Variants in SCN7A observed in about 807,000 individuals in gnomAD.
SCN7A encodes the protein sodium channel protein type 7 subunit alpha.
Under a neutral mutation model 155.2 loss-of-function variants are expected in SCN7A, and 138 were observed. The observed-to-expected ratio is 0.89, with a 90% CI of 0.77 to 1.02. SCN7A has a LOEUF of 1.02. Among genes scored for constraint, SCN7A ranks in the 50% least tolerant of loss-of-function variants. The pLI is 0.00. For missense variants in SCN7A, 2,058 were observed against 1,986.6 expected (o/e 1.04, Z -0.68); for synonymous variants, 693 against 649.0 (o/e 1.07, Z -1.03).
chr2:166,455,324 A>C (rs1702250722), intron 11 of SCN7A, among the ~76,000 whole-genome samples: 1 of 152,180 alleles, frequency 6.6e-6, no homozygotes, highest in Middle Eastern at 3.2e-3. Context: ...CAAGACCTTA[A>C]AAAGACACCT....
chr2:166,443,799 G>A, intron 13 of SCN7A, 123 bp from the exon 14 acceptor site: 2 of 683,554 alleles, frequency 2.9e-6, no homozygotes, highest in Non-Finnish European at 2.4e-6. Flanking sequence ...CAGCTTCTCT[G>A]TCAATATCTG....
At chr2:166,476,659 C>T (rs557892704) in intron 3 of SCN7A, among the ~76,000 whole-genome samples, 1 of 152,088 alleles carries the variant, frequency 6.6e-6, no homozygotes, top group South Asian at 2.1e-4. Context: ...TTCATTGCAT[C>T]AGTCCTTTGA....
At position 166,432,599 on chromosome 2, in the gene SCN7A, G is replaced by T; in HGVS notation, c.2311C>A (p.Gln771Lys). Residue 771 changes from glutamine to lysine, a missense_variant, in exon 16 of 26, where the codon CAA becomes AAA. Transcript: ENST00000643258. Reference protein sequence around the residue: ...YVLLKILCKTQNVPKDTMDHV... With the variant: ...YVLLKILCKTKNVPKDTMDHV... ...TCCATTGTGTCCTTTGGGACATTTT[G>T]TGTTTTGCATAGTATTTTAAGAAGC... 6.2e-7 allele frequency: 1 copy of T among 1,612,982 alleles called. No individual in the cohort carries two copies. Among genetic ancestry groups the T allele is most frequent in the Non-Finnish European group, 8.5e-7 (1 of 1,179,490 alleles).
intron 18 of SCN7A, among the ~76,000 whole-genome samples, 173 bp from the exon 19 acceptor site, chr2:166,423,605 G>A (rs550436671): frequency 2.0e-5 from 3 of 152,014 alleles, no homozygotes; most frequent in Non-Finnish European, 4.4e-5. Flanking sequence ...TAATCTATAA[G>A]TATTATTATT....
chr2:166,409,968 A>T, intron 24 of SCN7A, 33 bp from the exon 25 acceptor site: 2 of 1,494,300 alleles, frequency 1.3e-6, no homozygotes, highest in Non-Finnish European at 1.8e-6. Context: ...TAATAGTCTT[A>T]TTAATAGGAT....
At chr2:166,486,762 C>T (rs1050061190) in intron 2 of SCN7A, 94 bp downstream of exon 2, 1 of 152,226 alleles carries the variant, frequency 6.6e-6, no homozygotes, top group African/African-American at 2.4e-5. Context: ...ATAAAGCAAG[C>T]AGACACATCA....
chr2:166,462,214 C>A, intron 10 of SCN7A, 175 bp downstream of exon 10: 1 of 595,856 alleles, frequency 1.7e-6, no homozygotes, highest in Non-Finnish European at 2.8e-6. Context: ...TATAATACAC[C>A]TGGCAATGTG....
In SCN7A at chr2:166,465,964, G is replaced by C. The variant is rs1199266287; in HGVS notation, c.688C>G (p.Leu230Val). Residue 230 changes from leucine to valine, a missense_variant, in exon 8 of 26, where the codon CTG (leucine) becomes GTG (valine). Coordinates refer to ENST00000643258, the MANE Select transcript of SCN7A (RefSeq NM_002976.4). ...ATAAGCTGCTTCAAGCAGTGGATCA[G>C]GACCCCTACAAGGGATTTCAGACCT... The part of the protein sequence containing the change: ...NQGLKSLVGV[L>V]IHCLKQLIGV... 10 of 1,612,008 alleles carry C rather than the reference G, an allele frequency of 6.2e-6. No individual in the cohort carries two copies. Among genetic ancestry groups the C allele is most frequent in the African/African-American group, 1.3e-5 (1 of 74,896 alleles).
rs1381985908 is a variant in SCN7A, at chr2:166,427,935, T to C, written c.2706A>G (p.Arg902=). 1 of 1,612,622 alleles carries C rather than the reference T, an allele frequency of 6.2e-7. No homozygotes were observed. The highest frequency in any genetic ancestry group is 1.1e-5 in the South Asian group (1 of 90,988). The change falls in exon 18 of 26, where the codon AGA becomes AGG. Residue 902 remains arginine, a synonymous_variant. Transcript: ENST00000643258. The stretch of plus-strand genomic sequence containing the variant: ...TGATTTGACCAAGTGAAGATCCGCG[T>C]CTGCAACCTGTCAAGATTGAATTGG... The part of the protein sequence containing the change: ...ERSKHLKNGC[R]RGSSLGQISG...
intron 12 of SCN7A, among the ~76,000 whole-genome samples, chr2:166,446,244 G>T (rs1285972185): frequency 6.6e-6 from 1 of 152,096 alleles, no homozygotes; most frequent in African/African-American, 2.4e-5. Context: ...GAAGACATTT[G>T]TGTGGCCAAC....
Position 166,409,954 on chromosome 2 carries a change from G to A in SCN7A, c.3712-19C>T. The A allele has an allele frequency of 6.5e-7, 1 of 1,533,392 alleles. No individual in the cohort carries two copies. The highest frequency in any genetic ancestry group is 8.8e-7 in the Non-Finnish European group (1 of 1,138,500). 95.0% of individuals were successfully genotyped at this position (1,533,392 alleles called of 1,614,324 possible). On this transcript the variant is annotated intron_variant, in intron 24 of 25. Coordinates refer to ENST00000643258, the MANE Select transcript of SCN7A (RefSeq NM_002976.4). ...GCTTGTTCTGTGGGTAAAATCAACA[G>A]GTGTAATAGTCTTATTAATAGGATA...
rs780616367 is a variant in SCN7A at position 166,472,456 on chromosome 2, T to G, written c.444-11A>C. 1.6e-5 allele frequency: 25 copies of G among 1,571,556 alleles called. No homozygotes were observed. The South Asian group carries it at 2.9e-4, about 18-fold the overall frequency. ...CCAAGCAAAGTATTCCTGCAGAAATTTTTTCATATAAATATTATTGGTGAG... is the reference window on the plus strand; with the variant it reads ...CCAAGCAAAGTATTCCTGCAGAAATGTTTTCATATAAATATTATTGGTGAG... On this transcript the variant is annotated splice_polypyrimidine_tract_variant and intron_variant, in intron 5 of 25. Coordinates refer to ENST00000643258, the MANE Select transcript of SCN7A (RefSeq NM_002976.4).
intron 21 of SCN7A, among the ~76,000 whole-genome samples, chr2:166,415,932 G>C (rs1398344453): frequency 6.6e-6 from 1 of 152,102 alleles, no homozygotes; most frequent in South Asian, 2.1e-4. Flanking sequence ...TTCTTGCAGA[G>C]AGCCTATAAA....
intron 18 of SCN7A, among the ~76,000 whole-genome samples, chr2:166,427,283 C>T (rs1316017449): frequency 6.6e-6 from 1 of 151,988 alleles, no homozygotes; most frequent in Non-Finnish European, 1.5e-5. Context: ...ATTTAATGTG[C>T]AGATATTTGT....
chr2:166,454,405 G>A (rs1702234925), intron 11 of SCN7A, among the ~76,000 whole-genome samples: 1 of 152,160 alleles, frequency 6.6e-6, no homozygotes, highest in Non-Finnish European at 1.5e-5. Flanking sequence ...ATGGACACAA[G>A]TAGCTATAGA....
At chr2:166,483,880 T>A (rs1440390752) in intron 2 of SCN7A, among the ~76,000 whole-genome samples, 1 of 151,906 alleles carries the variant, frequency 6.6e-6, no homozygotes, top group Non-Finnish European at 1.5e-5. Context: ...TTCACAGTAG[T>A]GTAATTTTTA....
intron 15 of SCN7A, 56 bp from the exon 16 acceptor site, chr2:166,432,808 A>C: frequency 7.6e-7 from 1 of 1,322,076 alleles, no homozygotes. Context: ...CATTTTAAGT[A>C]ATGAAAAGTT....
chr2:166,442,853 G>C (rs1701989239), intron 14 of SCN7A, among the ~76,000 whole-genome samples: 1 of 152,114 alleles, frequency 6.6e-6, no homozygotes, highest in Non-Finnish European at 1.5e-5. Context: ...TTATGGATGA[G>C]GATCTAAGAC....
intron 11 of SCN7A, among the ~76,000 whole-genome samples, chr2:166,448,289 T>C (rs1476907141): frequency 2.0e-4 from 31 of 152,198 alleles, no homozygotes; most frequent in Non-Finnish European, 4.4e-5. Context: ...GACAAGACTT[T>C]ATTCTTTTTA....
Sources: allele counts gnomAD v4.1 joint callset (sites outside exome capture counted in the v4.1 genomes callset), GRCh38; gene constraint gnomAD v4.1.1; transcripts MANE v1.5; gene names NCBI Gene and HGNC (gene_info 2026-07-23, HGNC 2026-07-21).